The following HIKESHI variants were observed in gnomAD, a reference collection of about 807,000 sequenced individuals.
HIKESHI encodes protein Hikeshi.
A neutral mutation model predicts 25.7 loss-of-function variants in HIKESHI; 13 were observed. The observed-to-expected ratio is 0.51, with a 90% CI of 0.33 to 0.80. The LOEUF is 0.80. Ranked by LOEUF, HIKESHI falls within the 30% of genes least tolerant of loss-of-function variation. The pLI, the probability that HIKESHI is intolerant of heterozygous loss-of-function variation, is 0.02. For synonymous variants in HIKESHI, 76 were observed against 78.7 expected (o/e 0.97, Z 0.18); for missense variants, 174 against 229.5 (o/e 0.76, Z 1.56).
chr11:86,302,292 A>C lies in HIKESHI; in HGVS notation c.-157A>C. The C allele has an allele frequency of 1.2e-6, 1 of 819,152 alleles. No homozygotes were observed. Among genetic ancestry groups the C allele is most frequent in the South Asian group, 1.5e-5 (1 of 67,456 alleles). 50.7% of individuals were successfully genotyped at this position (819,152 alleles called of 1,614,324 possible). A position where few individuals can be genotyped will look rare whatever the true frequency, so the allele number is the denominator to read the frequency against. On this transcript the variant is annotated 5_prime_UTR_variant, in exon 1 of 5. Transcript: ENST00000278483. Reference sequence around the variant, plus strand: ...AGAGAAGGTCAGAGTTCGCGGGGGCAGAGGCATTCTTGCCGCTGGCCCAGT... The same window carrying C: ...AGAGAAGGTCAGAGTTCGCGGGGGCCGAGGCATTCTTGCCGCTGGCCCAGT...
chr11:86,327,291 G>C (rs934026424), intron 2 of HIKESHI, among the ~76,000 whole-genome samples: 4 of 151,856 alleles, frequency 2.6e-5, no homozygotes, highest in Non-Finnish European at 5.9e-5. Flanking sequence ...TAAGAGGTTG[G>C]TGTTAATAAG....
chr11:86,307,783 TTA>T (rs1593805057), intron 2 of HIKESHI, among the ~76,000 whole-genome samples: 3 of 120,600 alleles, frequency 2.5e-5, no homozygotes, highest in South Asian at 2.5e-4. Flanking sequence ...AAAATATATA[TTA>T]TGTGTAATAT....
intron 3 of HIKESHI, among the ~76,000 whole-genome samples, chr11:86,342,255 C>A (rs1947751092): frequency 1.3e-5 from 2 of 152,038 alleles, no homozygotes; most frequent in Admixed American, 1.3e-4. Flanking sequence ...ACCTAAGATG[C>A]CTTTATGTGT....
At chr11:86,328,460 CTG>C (rs1404210501) in intron 2 of HIKESHI, among the ~76,000 whole-genome samples, 2 of 147,446 alleles carry the variant, frequency 1.4e-5, no homozygotes, top group South Asian at 2.1e-4. Context: ...GAGACGGAGT[CTG>C]GCTCTGTTGC....
chr11:86,344,385 C>T (rs1947815034), intron 3 of HIKESHI: 2 of 417,298 alleles, frequency 4.8e-6, no homozygotes, highest in Non-Finnish European at 8.5e-6. Flanking sequence ...ACAGGCTGGT[C>T]TTGAATGCCT....
intron 2 of HIKESHI, among the ~76,000 whole-genome samples, chr11:86,328,406 T>A (rs2646728): frequency 2.7e-5 from 4 of 150,038 alleles, no homozygotes; most frequent in East Asian, 2.0e-4. Flanking sequence ...CTACAGGCAC[T>A]CACCACCATG....
intron 3 of HIKESHI, 118 bp downstream of exon 3, chr11:86,337,648 A>T (rs752717707): frequency 3.4e-6 from 4 of 1,164,712 alleles, no homozygotes; most frequent in Non-Finnish European, 4.7e-6. Flanking sequence ...ACATGTTTAC[A>T]TTTTGTTTTG....
At chr11:86,328,438 T>G (rs1487034761) in intron 2 of HIKESHI, among the ~76,000 whole-genome samples, 6 of 150,930 alleles carry the variant, frequency 4.0e-5, no homozygotes, top group Non-Finnish European at 8.9e-5. Flanking sequence ...TTTTTTGTTT[T>G]TTTTTTTTTT....
rs912117541 is a variant in HIKESHI at position 86,302,292 on chromosome 11, A to G, written c.-157A>G. ...AGAGAAGGTCAGAGTTCGCGGGGGC[A>G]GAGGCATTCTTGCCGCTGGCCCAGT... On this transcript the variant is annotated 5_prime_UTR_variant, in exon 1 of 5. Coordinates refer to ENST00000278483, the MANE Select transcript of HIKESHI (RefSeq NM_016401.4). 2.4e-6 allele frequency: 2 copies of G among 819,152 alleles called. No individual in the cohort carries two copies. The highest frequency in any genetic ancestry group is 3.0e-5 in the South Asian group (2 of 67,456). The allele number at this position is 819,152 out of a possible 1,614,324, so 50.7% of individuals were successfully genotyped here. A position where few individuals can be genotyped will look rare whatever the true frequency, so the allele number is the denominator to read the frequency against.
intron 2 of HIKESHI, among the ~76,000 whole-genome samples, chr11:86,320,280 T>A (rs550800661): frequency 6.8e-4 from 104 of 152,318 alleles, no homozygotes; most frequent in African/African-American, 2.5e-3. Context: ...TAAGAAATCT[T>A]GTAAAGAACA....
intron 2 of HIKESHI, among the ~76,000 whole-genome samples, chr11:86,318,303 C>CAAAAAA (rs71040230): frequency 0.24 from 8,437 of 35,466 alleles, 1,857 homozygotes; most frequent in East Asian, 0.44. Flanking sequence ...GACTCCGTCT[C>CAAAAAA]AAAAAAAAAA....
chr11:86,306,457 C>A lies in HIKESHI; in HGVS notation c.243C>A (p.Ile81=). The change falls in exon 2 of 5, where the codon ATC becomes ATA. Residue 81 remains isoleucine (I), a synonymous_variant. Coordinates refer to ENST00000278483, the MANE Select transcript of HIKESHI (RefSeq NM_016401.4). ...GFVTNGKPSA[I]FKISGLKSGE... ...TCACGAATGGGAAGCCAAGTGCCAT[C>A]TTCAAAATTTCAGGTCTTAAATCTG... 2 of 1,609,682 alleles carry A rather than the reference C, an allele frequency of 1.2e-6. No homozygotes were observed. Among genetic ancestry groups the A allele is most frequent in the Non-Finnish European group, 1.7e-6 (2 of 1,176,318 alleles).
chr11:86,338,237 C>G (rs572005493), intron 3 of HIKESHI, among the ~76,000 whole-genome samples: 1 of 151,782 alleles, frequency 6.6e-6, no homozygotes, highest in Non-Finnish European at 1.5e-5. Flanking sequence ...TCTGTAAGTT[C>G]AACTTTTAGA....
At chr11:86,327,228 T>C (rs1947305136) in intron 2 of HIKESHI, among the ~76,000 whole-genome samples, 1 of 152,206 alleles carries the variant, frequency 6.6e-6, no homozygotes, top group Admixed American at 6.5e-5. Context: ...CTATGTGTAA[T>C]GCAGTGTTCT....
chr11:86,311,293 G>A (rs1418184265), intron 2 of HIKESHI, among the ~76,000 whole-genome samples: 2 of 152,144 alleles, frequency 1.3e-5, no homozygotes, highest in Admixed American at 6.6e-5. Context: ...TCTTGGGAGG[G>A]TGTATGTGTC....
rs1404996510 is a variant in HIKESHI, at chr11:86,302,342, C to T, written c.-107C>T. ...TCACTATGTAGTGGAGGGGCAGACA[C>T]CCTCCCGCAAATTCTGGAAGGTTCT... On this transcript the variant is annotated 5_prime_UTR_variant, in exon 1 of 5. Transcript: ENST00000278483. 1 of 1,411,366 alleles carries T rather than the reference C, an allele frequency of 7.1e-7. No individual in the cohort carries two copies. Among genetic ancestry groups the T allele is most frequent in the Non-Finnish European group, 9.7e-7 (1 of 1,027,502 alleles). 87.4% of individuals were successfully genotyped at this position (1,411,366 alleles called of 1,614,324 possible). A position where few individuals can be genotyped will look rare whatever the true frequency, so the allele number is the denominator to read the frequency against.
At chr11:86,311,191 G>C (rs1413832607) in intron 2 of HIKESHI, among the ~76,000 whole-genome samples, 1 of 152,014 alleles carries the variant, frequency 6.6e-6, no homozygotes, top group Non-Finnish European at 1.5e-5. Flanking sequence ...GTGTGGTCCT[G>C]GACTTTTTTT....
chr11:86,341,463 C>T (rs993237743), intron 3 of HIKESHI, among the ~76,000 whole-genome samples: 14 of 150,024 alleles, frequency 9.3e-5, no homozygotes, highest in African/African-American at 2.2e-4. Flanking sequence ...AAATTGGTCT[C>T]GGAAACATTC....
intron 3 of HIKESHI, among the ~76,000 whole-genome samples, chr11:86,337,805 A>G (rs1947611747): frequency 6.6e-6 from 1 of 151,586 alleles, no homozygotes; most frequent in South Asian, 2.1e-4. Flanking sequence ...CTACAGGCAC[A>G]TGTCACCACA....
Sources: gnomAD v4.1 joint callset for allele counts (sites outside exome capture counted in the v4.1 genomes callset) on GRCh38, gnomAD v4.1.1 for gene constraint, MANE v1.5 for transcripts, NCBI Gene and HGNC (gene_info 2026-07-23, HGNC 2026-07-21) for gene names.